The following LIX1L variants were observed in gnomAD, a reference collection of about 807,000 sequenced individuals.
LIX1L encodes LIX1-like protein.
A neutral mutation model predicts 34.0 loss-of-function variants in LIX1L; 20 were observed. That is an observed-to-expected ratio of 0.59 (90% CI 0.41 to 0.85). The LOEUF (loss-of-function observed/expected upper bound fraction) is 0.85, where lower values mean the gene tolerates loss of function less well. LIX1L is among the 40% of genes least tolerant of loss of function. The probability of loss-of-function intolerance (pLI) is 0.00; values close to 1 mark genes in which losing one functional copy is unlikely to be tolerated. For synonymous variants in LIX1L, 170 were observed against 187.4 expected (o/e 0.91, Z 0.76); for missense variants, 397 against 447.0 (o/e 0.89, Z 1.01).
chr1:145,934,650 T>C lies in LIX1L; in HGVS notation c.*1660A>G, dbSNP rs1376918753. 1 of 149,062 alleles carries C rather than the reference T, an allele frequency of 6.7e-6. No homozygotes were observed. The highest frequency in any genetic ancestry group is 2.5e-5 in the African/African-American group (1 of 40,384). The allele number at this position is 149,062 out of a possible 1,614,324, so 9.2% of individuals were successfully genotyped here. ...CGAGGTCAGGAGATGGAGACCGTCCTGGCTAACATGGTGAAACCCCGTCTC... is the reference window on the plus strand; with the variant it reads ...CGAGGTCAGGAGATGGAGACCGTCCCGGCTAACATGGTGAAACCCCGTCTC... On this transcript the variant is annotated 3_prime_UTR_variant, in exon 6 of 6. Transcript: ENST00000604000.
intron 3 of LIX1L, among the ~76,000 whole-genome samples, chr1:145,940,877 G>A (rs1648889908): frequency 2.0e-5 from 3 of 151,878 alleles, no homozygotes; most frequent in Non-Finnish European, 2.9e-5. Flanking sequence ...GTAGAAATGG[G>A]GTTTTGCCAT....
intron 3 of LIX1L, 152 bp downstream of exon 3, chr1:145,942,561 C>T: frequency 1.4e-6 from 1 of 720,492 alleles, no homozygotes; most frequent in Non-Finnish European, 2.3e-6. Flanking sequence ...GCACATGACA[C>T]AATAGACTGA....
At chr1:145,940,680 A>G (rs1338516517) in intron 3 of LIX1L, among the ~76,000 whole-genome samples, 1 of 147,144 alleles carries the variant, frequency 6.8e-6, no homozygotes, top group Non-Finnish European at 1.5e-5. Flanking sequence ...CCTCCCAAGT[A>G]GCTGGGACTA....
intron 1 of LIX1L, among the ~76,000 whole-genome samples, chr1:145,956,665 G>T (rs1649483452): frequency 6.6e-6 from 1 of 152,170 alleles, no homozygotes; most frequent in Admixed American, 6.6e-5. Context: ...GCAGGACCTG[G>T]CCAAGCAGAC....
Position 145,948,671 on chromosome 1 carries a change from G to C in LIX1L, c.293-889C>G, listed in dbSNP as rs1357665133. 6.6e-6 allele frequency: 1 copy of C among 152,228 alleles called. No homozygotes were observed. Among genetic ancestry groups the C allele is most frequent in the Non-Finnish European group, 1.5e-5 (1 of 68,052 alleles). The allele number at this position is 152,228 out of a possible 1,614,324, so 9.4% of individuals were successfully genotyped here. On this transcript the variant is annotated intron_variant, in intron 1 of 5. Coordinates refer to ENST00000604000, the MANE Select transcript of LIX1L (RefSeq NM_153713.3). The surrounding 1 kb of genome is among the most constrained non-coding windows in gnomAD (Gnocchi z 4.0). ...AGCAATGCAATGGGAAGCAATTGGAGGACTTTAAAAAGAAGCACTCCTCCA... is the reference window on the plus strand; with the variant it reads ...AGCAATGCAATGGGAAGCAATTGGACGACTTTAAAAAGAAGCACTCCTCCA...
intron 2 of LIX1L, 23 bp downstream of exon 2, chr1:145,947,596 T>C (rs1553759376): frequency 1.2e-5 from 20 of 1,612,410 alleles, no homozygotes; most frequent in East Asian, 2.2e-5. Context: ...TTACCTTTGC[T>C]ACTGCCACCT....
intron 3 of LIX1L, among the ~76,000 whole-genome samples, chr1:145,939,642 T>C (rs1259597884): frequency 7.4e-5 from 11 of 148,376 alleles, no homozygotes; most frequent in Non-Finnish European, 1.5e-4. Context: ...CTTTTTCTTT[T>C]TTTTTTTTTT....
At chr1:145,956,998 C>A (rs965943712) in intron 1 of LIX1L, among the ~76,000 whole-genome samples, 1 of 152,154 alleles carries the variant, frequency 6.6e-6, no homozygotes, top group African/African-American at 2.4e-5. Flanking sequence ...AGTCTCCATA[C>A]TAAAAAAGAT....
In LIX1L at chr1:145,950,648, A is replaced by G. The variant is rs111235988; in HGVS notation, c.293-2866T>C. ...CCCAAAGTGCTGGGATTACAGGCGC[A>G]AGCCACCACGCCCGGCTGTAGTACA... On this transcript the variant is annotated intron_variant, in intron 1 of 5. Transcript: ENST00000604000. Among the ~76,000 whole-genome samples, 812 of 151,618 alleles carry G rather than the reference A, an allele frequency of 5.4e-3. 5 individuals carry two copies. The highest frequency in any genetic ancestry group is 0.017 in the African/African-American group (689 of 41,312).
chr1:145,949,845 C>G (rs1553759627), intron 1 of LIX1L, among the ~76,000 whole-genome samples: 4 of 147,080 alleles, frequency 2.7e-5, no homozygotes, highest in African/African-American at 1.0e-4. Context: ...GAGACAGAAT[C>G]TCACTCTGTT....
rs1648634583 is a variant in LIX1L, at chr1:145,936,192, C to G, written c.*118G>C. ...GGAATCTAGGTGTAGAATTTATACA[C>G]ATATATATTTTTTAAAGTATAAAAA... On this transcript the variant is annotated 3_prime_UTR_variant, in exon 6 of 6. Transcript: ENST00000604000. 5 of 1,148,656 alleles carry G rather than the reference C, an allele frequency of 4.4e-6. No individual in the cohort carries two copies. The highest frequency in any genetic ancestry group is 3.6e-6 in the Non-Finnish European group (3 of 831,598). The allele number at this position is 1,148,656 out of a possible 1,614,324, so 71.2% of individuals were successfully genotyped here. A position where few individuals can be genotyped will look rare whatever the true frequency, so the allele number is the denominator to read the frequency against.
At chr1:145,953,626 A>G (rs1553760041) in intron 1 of LIX1L, among the ~76,000 whole-genome samples, 1 of 152,206 alleles carries the variant, frequency 6.6e-6, no homozygotes, top group African/African-American at 2.4e-5. Context: ...CAAAATGTCC[A>G]TGTCTTAATC....
intron 2 of LIX1L, among the ~76,000 whole-genome samples, chr1:145,944,272 A>T (rs1649025510): frequency 6.6e-6 from 1 of 152,094 alleles, no homozygotes; most frequent in African/African-American, 2.4e-5. Context: ...AGGTGGAAGG[A>T]TCACTTGAGC....
intron 2 of LIX1L, among the ~76,000 whole-genome samples, chr1:145,945,757 A>C (rs587693779): frequency 1.3e-5 from 2 of 150,172 alleles, no homozygotes; most frequent in South Asian, 4.2e-4. Flanking sequence ...TCAAAAAAAA[A>C]AAAAAAAAGA....
intron 3 of LIX1L, among the ~76,000 whole-genome samples, chr1:145,938,443 A>G (rs1406362547): frequency 8.5e-5 from 13 of 152,216 alleles, no homozygotes; most frequent in Non-Finnish European, 1.3e-4. Flanking sequence ...TGGAGCTCCT[A>G]CAAATAGCGT....
In LIX1L at chr1:145,957,859, C is replaced by G; in HGVS notation, c.69G>C (p.Ala23=). ...CGGCCCCAGTCACTCCGGGCCGCAG[C>G]GCTCGGAGAGTGCCCCTCCCGCTGG... is the stretch of plus-strand genomic sequence containing the variant. The part of the protein sequence containing the change: ...VGTSGRGTLR[A]LRPGVTGAAA... Residue 23 remains alanine, a synonymous_variant, in exon 1 of 6, where the codon GCG becomes GCC. Coordinates refer to ENST00000604000, the MANE Select transcript of LIX1L (RefSeq NM_153713.3). 1 of 1,456,878 alleles carries G rather than the reference C, an allele frequency of 6.9e-7. No homozygotes were observed. The highest frequency in any genetic ancestry group is 9.0e-7 in the Non-Finnish European group (1 of 1,106,696). 90.2% of individuals were successfully genotyped at this position (1,456,878 alleles called of 1,614,324 possible).
At chr1:145,950,032 T>A (rs1376443876) in intron 1 of LIX1L, among the ~76,000 whole-genome samples, 1 of 152,072 alleles carries the variant, frequency 6.6e-6, no homozygotes, top group African/African-American at 2.4e-5. Context: ...CCCAGGCTGG[T>A]CTCAAACTCC....
chr1:145,942,434 A>G (rs1238925981), intron 3 of LIX1L, among the ~76,000 whole-genome samples: 1 of 152,178 alleles, frequency 6.6e-6, no homozygotes, highest in East Asian at 1.9e-4. Context: ...GAATAGCTCT[A>G]CAATTCCATA....
At chr1:145,951,644 A>C (rs1188669504) in intron 1 of LIX1L, among the ~76,000 whole-genome samples, 1 of 152,244 alleles carries the variant, frequency 6.6e-6, no homozygotes, top group Non-Finnish European at 1.5e-5. Context: ...AGGGCTCTTC[A>C]AAGGTCAATA....
Sources: gnomAD v4.1 joint callset for allele counts (sites outside exome capture counted in the v4.1 genomes callset) on GRCh38, gnomAD v4.1.1 for gene constraint, Gnocchi (gnomAD v3.1) non-coding constraint, MANE v1.5 for transcripts, NCBI Gene and HGNC (gene_info 2026-07-23, HGNC 2026-07-21) for gene names.